The following CYP7B1 variants were observed in gnomAD, a reference collection of about 807,000 sequenced individuals.
CYP7B1 encodes cytochrome P450 7B1.
Under a neutral mutation model 42.7 loss-of-function variants are expected in CYP7B1, and 29 were observed. That is an observed-to-expected ratio of 0.68 (90% confidence interval 0.51 to 0.93). The LOEUF (loss-of-function observed/expected upper bound fraction) is 0.93. CYP7B1 is among the 40% of genes least tolerant of loss of function. The pLI is 0.00. For missense variants in CYP7B1, 655 were observed against 600.5 expected, an observed-to-expected ratio of 1.09 and a Z score of -0.95; for synonymous variants, 235 against 218.2, an observed-to-expected ratio of 1.08 and a Z score of -0.68.
At chr8:64,667,352 C>A (rs1365692082) in intron 1 of CYP7B1, among the ~76,000 whole-genome samples, 2 of 152,080 alleles carry the variant, frequency 1.3e-5, no homozygotes, top group Non-Finnish European at 2.9e-5. Context: ...AATAGAAATG[C>A]ACCATTACTC....
At chr8:64,677,801 A>G (rs1024156437) in intron 1 of CYP7B1, among the ~76,000 whole-genome samples, 3 of 143,588 alleles carry the variant, frequency 2.1e-5, no homozygotes, top group African/African-American at 8.1e-5. Context: ...AAATGAGATC[A>G]TTGTCATGTA....
chr8:64,605,800 C>G (rs3779869), intron 4 of CYP7B1, among the ~76,000 whole-genome samples: 8,292 of 152,056 alleles, frequency 0.055, 344 homozygotes, highest in South Asian at 0.16. Flanking sequence ...GTTTTCTCCC[C>G]CTTCACATGA....
intron 1 of CYP7B1, among the ~76,000 whole-genome samples, chr8:64,771,381 A>G (rs569228278): frequency 6.6e-6 from 1 of 152,058 alleles, no homozygotes; most frequent in Non-Finnish European, 1.5e-5. Context: ...AAAAATGTAC[A>G]TGCTTTAATA....
At position 64,599,484 on chromosome 8, in the gene CYP7B1, G is replaced by A. The variant is rs146872790; in HGVS notation, c.1234-2555C>T. On this transcript the variant is annotated intron_variant, in intron 5 of 5. Coordinates refer to ENST00000310193, the MANE Select transcript of CYP7B1 (RefSeq NM_004820.5). ...GTTACAGGTGTGAGCCACTGTGTCCGGCCGCTGATTGAAATTCTTTACAGT... is the reference window on the plus strand; with the variant it reads ...GTTACAGGTGTGAGCCACTGTGTCCAGCCGCTGATTGAAATTCTTTACAGT... 1.2e-3 allele frequency among the ~76,000 whole-genome samples: 188 copies of A among 152,264 alleles called. 6 individuals are homozygous for A. The East Asian group carries it at 0.029, about 23-fold the overall frequency.
intron 1 of CYP7B1, among the ~76,000 whole-genome samples, chr8:64,719,556 C>G (rs1480064506): frequency 6.6e-6 from 1 of 152,164 alleles, no homozygotes; most frequent in Non-Finnish European, 1.5e-5. Flanking sequence ...AAAATCCATG[C>G]TAATGGAAAC....
chr8:64,633,801 T>C (rs1170681000), intron 1 of CYP7B1, among the ~76,000 whole-genome samples: 1 of 152,088 alleles, frequency 6.6e-6, no homozygotes, highest in Non-Finnish European at 1.5e-5. Context: ...AAAGACAATA[T>C]TGAAGGAGAA....
intron 1 of CYP7B1, among the ~76,000 whole-genome samples, chr8:64,730,899 G>A (rs553405870): frequency 8.0e-4 from 121 of 152,124 alleles, no homozygotes; most frequent in African/African-American, 2.6e-3. Context: ...TCATGGAAGC[G>A]GTCCCCTCAT....
At chr8:64,675,797 T>C (rs1806437511) in intron 1 of CYP7B1, among the ~76,000 whole-genome samples, 1 of 152,144 alleles carries the variant, frequency 6.6e-6, no homozygotes, top group South Asian at 2.1e-4. Context: ...ACCTAGGTCC[T>C]GACTAAGGGT....
chr8:64,754,357 A>T (rs539028912), intron 1 of CYP7B1, among the ~76,000 whole-genome samples: 1 of 152,330 alleles, frequency 6.6e-6, no homozygotes, highest in South Asian at 2.1e-4. Flanking sequence ...TTACATTAAT[A>T]AATTTAATTT....
chr8:64,716,411 G>C (rs938711477), intron 1 of CYP7B1, among the ~76,000 whole-genome samples: 2 of 152,060 alleles, frequency 1.3e-5, no homozygotes, highest in African/African-American at 4.8e-5. Flanking sequence ...ATCAGACATA[G>C]TATCCCACTT....
intron 1 of CYP7B1, among the ~76,000 whole-genome samples, chr8:64,679,325 G>A (rs1806500282): frequency 6.6e-6 from 1 of 152,150 alleles, no homozygotes; most frequent in Non-Finnish European, 1.5e-5. Context: ...ATATGCCAGT[G>A]ACAGGGGCTG....
At chr8:64,796,853 T>C (rs887032519) in intron 1 of CYP7B1, among the ~76,000 whole-genome samples, 1 of 152,188 alleles carries the variant, frequency 6.6e-6, no homozygotes, top group Non-Finnish European at 1.5e-5. Flanking sequence ...TAAGAATATA[T>C]CAGGGACTCT....
intron 1 of CYP7B1, among the ~76,000 whole-genome samples, chr8:64,665,610 CTT>C (rs1361668446): frequency 2.0e-5 from 2 of 99,518 alleles, no homozygotes; most frequent in Non-Finnish European, 3.7e-5. Context: ...GAGTTTCACT[CTT>C]GTTGCCCAGG....
intron 1 of CYP7B1, among the ~76,000 whole-genome samples, chr8:64,677,159 A>G (rs1199057798): frequency 6.6e-6 from 1 of 152,068 alleles, no homozygotes; most frequent in East Asian, 1.9e-4. Flanking sequence ...AGTTACAGGG[A>G]AAAAATATAC....
At chr8:64,686,540 T>A (rs1390066832) in intron 1 of CYP7B1, among the ~76,000 whole-genome samples, 1 of 57,874 alleles carries the variant, frequency 1.7e-5, no homozygotes, top group South Asian at 4.8e-4. Context: ...AGCCACCCCG[T>A]CCGGGAGGTG....
chr8:64,789,055 G>A (rs963685791), intron 1 of CYP7B1, among the ~76,000 whole-genome samples: 8 of 152,034 alleles, frequency 5.3e-5, no homozygotes, highest in East Asian at 1.9e-4. Flanking sequence ...CGAGTAGCTG[G>A]GATTACAGGC....
rs886043568 is a variant in CYP7B1, at chr8:64,596,656, T to C, written c.1507A>G (p.Lys503Glu). The C allele has an allele frequency of 1.6e-5, 25 of 1,612,736 alleles. No homozygotes were observed. In the African/African-American group the frequency reaches 3.3e-4, roughly 22 times the overall value. Residue 503 changes from lysine (K) to glutamate (E), a missense_variant, in exon 6 of 6, where the codon AAA becomes GAA. Physicochemically the swap from Lys to Glu is moderately conservative, Grantham distance 56 (BLOSUM62 1). Coordinates refer to ENST00000310193, the MANE Select transcript of CYP7B1 (RefSeq NM_004820.5). ...YPDSDVLFRYKVKS is the reference protein window; with the variant it reads ...YPDSDVLFRYEVKS ...TTTTAGCTTCTCTAAGATTTCACTTTGTATCTAAATAAAACATCAGAATCT... is the reference window on the plus strand; with the variant it reads ...TTTTAGCTTCTCTAAGATTTCACTTCGTATCTAAATAAAACATCAGAATCT...
At chr8:64,765,748 A>T (rs371294489) in intron 1 of CYP7B1, among the ~76,000 whole-genome samples, 2 of 152,096 alleles carry the variant, frequency 1.3e-5, no homozygotes, top group African/African-American at 4.8e-5. Context: ...TGGCATCCCT[A>T]TGTTCTTTTT....
chr8:64,734,999 G>A (rs923026518), intron 1 of CYP7B1, among the ~76,000 whole-genome samples: 15 of 152,246 alleles, frequency 9.9e-5, no homozygotes, highest in African/African-American at 3.6e-4. Flanking sequence ...TCACTCCTAT[G>A]AGAATCTAAT....
Sources: gnomAD v4.1 joint callset for allele counts (sites outside exome capture counted in the v4.1 genomes callset) on GRCh38, gnomAD v4.1.1 for gene constraint, MANE v1.5 for transcripts, NCBI Gene and HGNC (gene_info 2026-07-23, HGNC 2026-07-21) for gene names.